Variants in STXBP5L observed in about 807,000 individuals in gnomAD.
STXBP5L encodes the protein syntaxin binding protein 5L, also known as syntaxin-binding protein 5-like.
In STXBP5L, 65 loss-of-function variants were observed where a neutral mutation model predicts 144.5. That is an observed-to-expected ratio of 0.45 (90% CI 0.37 to 0.55). The LOEUF (loss-of-function observed/expected upper bound fraction) is 0.55, where lower values mean the gene tolerates loss of function less well. STXBP5L is among the 20% of genes least tolerant of loss of function. STXBP5L has a pLI of 0.00. For missense variants in STXBP5L, 1,298 were observed against 1,405.5 expected (o/e 0.92, Z 1.22); for synonymous variants, 505 against 469.6 (o/e 1.08, Z -0.97).
intron 15 of STXBP5L, among the ~76,000 whole-genome samples, chr3:121,251,038 C>G (rs1022293318): frequency 2.0e-5 from 3 of 152,104 alleles, no homozygotes; most frequent in Non-Finnish European, 4.4e-5. Context: ...GAAAAAGTAC[C>G]AAACTCTGTT....
chr3:121,394,177 G>A (rs1401608814), intron 22 of STXBP5L, among the ~76,000 whole-genome samples: 1 of 151,936 alleles, frequency 6.6e-6, no homozygotes, highest in East Asian at 1.9e-4. Context: ...ATTTTTAATA[G>A]CTGTTATAAA....
chr3:121,101,459 A>G (rs965914221), intron 5 of STXBP5L, among the ~76,000 whole-genome samples: 1 of 151,830 alleles, frequency 6.6e-6, no homozygotes, highest in Admixed American at 6.6e-5. Context: ...AATAAATCAC[A>G]ACATAAAAAG....
chr3:121,102,553 T>C (rs1458663361), intron 5 of STXBP5L, among the ~76,000 whole-genome samples: 1 of 151,994 alleles, frequency 6.6e-6, no homozygotes. Flanking sequence ...AAAAATTAAC[T>C]CAAGAGGGTT....
chr3:121,070,419 G>A (rs1410040295), intron 5 of STXBP5L, among the ~76,000 whole-genome samples: 3 of 152,300 alleles, frequency 2.0e-5, no homozygotes, highest in East Asian at 3.9e-4. Flanking sequence ...CAGGCTGTTA[G>A]TATTCCTTTT....
intron 19 of STXBP5L, among the ~76,000 whole-genome samples, chr3:121,318,089 C>T (rs1238394211): frequency 6.6e-6 from 1 of 151,572 alleles, no homozygotes; most frequent in African/African-American, 2.4e-5. Flanking sequence ...ATCTTTGTAC[C>T]ATCCATGTTT....
intron 20 of STXBP5L, among the ~76,000 whole-genome samples, chr3:121,350,364 C>T (rs1383630734): frequency 6.6e-6 from 1 of 152,096 alleles, no homozygotes; most frequent in African/African-American, 2.4e-5. Context: ...GTGGGTAACC[C>T]GACCTTTGTC....
intron 3 of STXBP5L, among the ~76,000 whole-genome samples, chr3:121,029,714 C>G (rs965402418): frequency 6.6e-6 from 1 of 151,776 alleles, no homozygotes; most frequent in Middle Eastern, 3.4e-3. Flanking sequence ...TTCTGCACAG[C>G]AAAAGAAACT....
chr3:121,188,235 T>A (rs1577155938), intron 9 of STXBP5L, among the ~76,000 whole-genome samples: 1 of 152,312 alleles, frequency 6.6e-6, no homozygotes, highest in East Asian at 1.9e-4. Context: ...GAATATACAT[T>A]CTTCTCAGCA....
intron 20 of STXBP5L, among the ~76,000 whole-genome samples, chr3:121,362,719 TCTC>T (rs936445662): frequency 3.3e-5 from 5 of 152,008 alleles, no homozygotes; most frequent in East Asian, 1.9e-4. Flanking sequence ...TGCTTGGTGC[TCTC>T]CTCCTCTGTG....
chr3:121,130,036 G>T (rs2044902535), intron 7 of STXBP5L, among the ~76,000 whole-genome samples: 1 of 152,062 alleles, frequency 6.6e-6, no homozygotes, highest in Non-Finnish European at 1.5e-5. Context: ...TGAAATTACT[G>T]AACCAACTAA....
intron 19 of STXBP5L, among the ~76,000 whole-genome samples, chr3:121,303,968 T>A (rs540515588): frequency 2.6e-5 from 4 of 151,716 alleles, no homozygotes; most frequent in African/African-American, 9.7e-5. Flanking sequence ...ACATGGCACA[T>A]GTATACATAT....
intron 22 of STXBP5L, among the ~76,000 whole-genome samples, chr3:121,400,444 G>A (rs2046843873): frequency 6.6e-6 from 1 of 152,184 alleles, no homozygotes; most frequent in Non-Finnish European, 1.5e-5. Context: ...CAGATTGAGA[G>A]TCTTAACCAG....
chr3:121,083,535 C>T (rs1176324122), intron 5 of STXBP5L, among the ~76,000 whole-genome samples: 1 of 151,488 alleles, frequency 6.6e-6, no homozygotes, highest in African/African-American at 2.4e-5. Context: ...TGATGGCAGG[C>T]GTCTGTTATC....
At chr3:120,982,118 G>A (rs1941835953) in intron 3 of STXBP5L, among the ~76,000 whole-genome samples, 1 of 152,146 alleles carries the variant, frequency 6.6e-6, no homozygotes, top group Admixed American at 6.5e-5. Context: ...GTATTGTGTT[G>A]TGCAGTTCAA....
At chr3:121,203,489 C>T (rs901409098) in intron 9 of STXBP5L, among the ~76,000 whole-genome samples, 1 of 152,108 alleles carries the variant, frequency 6.6e-6, no homozygotes, top group Admixed American at 6.6e-5. Flanking sequence ...AATACCCTAA[C>T]ACTTGGTACA....
At chr3:121,355,394 C>T (rs1190151964) in intron 20 of STXBP5L, among the ~76,000 whole-genome samples, 1 of 152,048 alleles carries the variant, frequency 6.6e-6, no homozygotes, top group Non-Finnish European at 1.5e-5. Context: ...TCTTTTTACT[C>T]GTTTTTCTCT....
chr3:121,217,721 T>A (rs1227017235), intron 10 of STXBP5L, among the ~76,000 whole-genome samples: 1 of 152,116 alleles, frequency 6.6e-6, no homozygotes, highest in African/African-American at 2.4e-5. Context: ...TTTCTTATAA[T>A]CTTTATTGTG....
chr3:121,353,475 T>C (rs1472130262), intron 20 of STXBP5L, among the ~76,000 whole-genome samples: 1 of 152,158 alleles, frequency 6.6e-6, no homozygotes, highest in Non-Finnish European at 1.5e-5. Context: ...TGCATAGAGG[T>C]GTTTATAGTA....
At chr3:121,302,697 A>G (rs1314773839) in intron 19 of STXBP5L, among the ~76,000 whole-genome samples, 1 of 152,172 alleles carries the variant, frequency 6.6e-6, no homozygotes, top group African/African-American at 2.4e-5. Context: ...AGACCAATGG[A>G]ACAGAACAGA....
Sources: gnomAD v4.1 joint callset for allele counts (sites outside exome capture counted in the v4.1 genomes callset) on GRCh38, gnomAD v4.1.1 for gene constraint, MANE v1.5 for transcripts, NCBI Gene and HGNC (gene_info 2026-07-23, HGNC 2026-07-21) for gene names.